ATRNL1: variants seen among roughly 807,000 people sequenced by gnomAD.
The protein encoded by ATRNL1 is attractin like 1.
Under a neutral mutation model 182.7 loss-of-function variants are expected in ATRNL1, and 95 were observed. The observed-to-expected ratio is 0.52, with a 90% confidence interval of 0.44 to 0.62. The LOEUF is 0.62. Ranked by LOEUF, ATRNL1 falls within the 20% of genes least tolerant of loss-of-function variation. The pLI is 0.00. For missense variants in ATRNL1, 1,471 were observed against 1,679.5 expected (o/e 0.88, Z 2.17); for synonymous variants, 576 against 568.3 (o/e 1.01, Z -0.19).
At chr10:115,444,581 C>G (rs1441676693) in intron 21 of ATRNL1, among the ~76,000 whole-genome samples, 2 of 150,252 alleles carry the variant, frequency 1.3e-5, no homozygotes, top group African/African-American at 4.9e-5. Context: ...CATCTATTCA[C>G]CTTTTTTCTT....
intron 17 of ATRNL1, 35 bp from the exon 18 acceptor site, chr10:115,315,483 A>G (rs782393835): frequency 7.1e-7 from 1 of 1,410,624 alleles, no homozygotes; most frequent in East Asian, 2.3e-5. Context: ...ATATATAGTC[A>G]TGTTAACATA....
chr10:115,769,892 A>G (rs781960423), intron 27 of ATRNL1, among the ~76,000 whole-genome samples: 16 of 152,040 alleles, frequency 1.1e-4, no homozygotes, highest in Non-Finnish European at 1.6e-4. Flanking sequence ...TAGGTTCTTG[A>G]CTTCTTTGTA....
chr10:115,117,780 G>A (rs1227279872), intron 1 of ATRNL1, among the ~76,000 whole-genome samples: 1 of 152,094 alleles, frequency 6.6e-6, no homozygotes, highest in South Asian at 2.1e-4. Flanking sequence ...CCTCCAAAGT[G>A]TTCTCCATAG....
intron 1 of ATRNL1, among the ~76,000 whole-genome samples, chr10:115,113,045 A>T (rs896728457): frequency 1.3e-5 from 2 of 152,208 alleles, no homozygotes; most frequent in Non-Finnish European, 2.9e-5. Flanking sequence ...TACCACTACA[A>T]TTCTGAAGAC....
chr10:115,482,225 T>C (rs966201467), intron 24 of ATRNL1, among the ~76,000 whole-genome samples: 32 of 151,220 alleles, frequency 2.1e-4, no homozygotes, highest in African/African-American at 7.0e-4. Flanking sequence ...TAATGCAGAA[T>C]AGAGGATTAC....
intron 5 of ATRNL1, among the ~76,000 whole-genome samples, chr10:115,138,244 C>T (rs2143793751): frequency 6.6e-6 from 1 of 152,310 alleles, no homozygotes; most frequent in Middle Eastern, 3.4e-3. Context: ...CTTTTCCAGG[C>T]ACATGGTGCA....
intron 26 of ATRNL1, among the ~76,000 whole-genome samples, chr10:115,723,812 C>T (rs1947510063): frequency 6.6e-6 from 1 of 152,152 alleles, no homozygotes; most frequent in Non-Finnish European, 1.5e-5. Flanking sequence ...CCTGCCTCGG[C>T]CTCCCAAAGT....
chr10:115,255,877 T>C (rs141418374), intron 10 of ATRNL1, among the ~76,000 whole-genome samples: 1,779 of 152,278 alleles, frequency 0.012, 32 homozygotes, highest in African/African-American at 0.039. Context: ...AAGGCCTTTT[T>C]GGCATCTACT....
In ATRNL1 at chr10:115,640,711, C is replaced by G. The variant is rs180685029; in HGVS notation, c.3796-86537C>G. The stretch of plus-strand genomic sequence containing the variant: ...TGGATAGATTGCAAAAATTTTCTTC[C>G]ATTCTGTAGGTTGCCTGTTCGCTGA... On this transcript the variant is annotated intron_variant, in intron 26 of 28. Coordinates refer to ENST00000355044, the MANE Select transcript of ATRNL1 (RefSeq NM_207303.4). Among the ~76,000 whole-genome samples the G allele has an allele frequency of 1.4e-3, 210 of 152,172 alleles. 1 individual carries two copies. Among genetic ancestry groups the G allele is most frequent in the Non-Finnish European group, 2.5e-3 (173 of 68,006 alleles).
At chr10:115,351,773 G>GTTTTGTTTTGTTTTGTT (rs1564942984) in intron 19 of ATRNL1, among the ~76,000 whole-genome samples, 5 of 38,418 alleles carry the variant, frequency 1.3e-4, no homozygotes, top group Admixed American at 5.9e-4. Context: ...TGTTTTGTTT[G>GTTTTGTTTTGTTTTGTT]TGTTTTTGTT....
intron 27 of ATRNL1, among the ~76,000 whole-genome samples, chr10:115,738,918 A>G (rs182954299): frequency 2.3e-4 from 35 of 152,192 alleles, no homozygotes; most frequent in African/African-American, 7.5e-4. Context: ...AATTACTGCT[A>G]TCATCTTTCA....
At chr10:115,226,077 A>C (rs1226621769) in intron 9 of ATRNL1, among the ~76,000 whole-genome samples, 2 of 151,744 alleles carry the variant, frequency 1.3e-5, no homozygotes, top group Non-Finnish European at 2.9e-5. Context: ...AAGACAGGGA[A>C]ATAGACTAAT....
In ATRNL1 at chr10:115,263,372, G is replaced by C. The variant is rs146471761; in HGVS notation, c.1688-1821G>C. On this transcript the variant is annotated intron_variant, in intron 10 of 28. Transcript: ENST00000355044. ...GATAACAAGGGTTGACGAGGATGTGGAGACATATGAACCCTTTTGCATTAC... is the reference window on the plus strand; with the variant it reads ...GATAACAAGGGTTGACGAGGATGTGCAGACATATGAACCCTTTTGCATTAC... Among the ~76,000 whole-genome samples, 13 of 151,916 alleles carry C rather than the reference G, an allele frequency of 8.6e-5. No individual in the cohort carries two copies. The East Asian group carries it at 2.5e-3, about 29-fold the overall frequency.
chr10:115,106,060 C>T (rs114769018), intron 1 of ATRNL1, among the ~76,000 whole-genome samples: 1,856 of 152,260 alleles, frequency 0.012, 38 homozygotes, highest in African/African-American at 0.042. Context: ...TCAACGACAG[C>T]CCATGAAAGC....
intron 25 of ATRNL1, among the ~76,000 whole-genome samples, chr10:115,543,507 A>C (rs782606183): frequency 2.6e-5 from 4 of 152,176 alleles, no homozygotes; most frequent in Non-Finnish European, 5.9e-5. Context: ...TTTTCAGTGA[A>C]ATATAATAAT....
At chr10:115,753,787 C>T (rs1237921550) in intron 27 of ATRNL1, among the ~76,000 whole-genome samples, 1 of 152,180 alleles carries the variant, frequency 6.6e-6, no homozygotes, top group Non-Finnish European at 1.5e-5. Flanking sequence ...TTTACACTCC[C>T]ACCAACAGTG....
At chr10:115,233,979 G>A (rs781996143) in intron 9 of ATRNL1, among the ~76,000 whole-genome samples, 1 of 151,170 alleles carries the variant, frequency 6.6e-6, no homozygotes, top group Non-Finnish European at 1.5e-5. Flanking sequence ...GTGTTACTTC[G>A]GGCTTTTAAA....
intron 28 of ATRNL1, among the ~76,000 whole-genome samples, chr10:115,874,873 T>C (rs920407387): frequency 7.2e-5 from 11 of 152,142 alleles, no homozygotes; most frequent in Non-Finnish European, 1.3e-4. Context: ...CTGGTAGGAA[T>C]TGGGAAACCA....
At chr10:115,334,848 G>C (rs1012809616) in intron 19 of ATRNL1, among the ~76,000 whole-genome samples, 2 of 152,062 alleles carry the variant, frequency 1.3e-5, no homozygotes, top group African/African-American at 4.8e-5. Flanking sequence ...TAGTATCTAG[G>C]AGAGTATGGG....
Sources: allele counts gnomAD v4.1 joint callset (sites outside exome capture counted in the v4.1 genomes callset), GRCh38; gene constraint gnomAD v4.1.1; transcripts MANE v1.5; gene names NCBI Gene and HGNC (gene_info 2026-07-23, HGNC 2026-07-21).